The following SMG6 variants were observed in gnomAD, a reference collection of about 807,000 sequenced individuals.
SMG6 encodes SMG6 nonsense mediated mRNA decay factor.
In SMG6, 66 loss-of-function variants were observed where a neutral mutation model predicts 142.2. That is an observed-to-expected ratio of 0.46 (90% CI 0.38 to 0.57). The LOEUF is 0.57. Ranked by LOEUF, SMG6 falls within the 20% of genes least tolerant of loss-of-function variation. The pLI is 0.00. For synonymous variants in SMG6, 779 were observed against 702.4 expected (o/e 1.11, Z -1.72); for missense variants, 1,793 against 1,832.0 (o/e 0.98, Z 0.39).
At chr17:2,202,795 C>T (rs879427695) in intron 10 of SMG6, among the ~76,000 whole-genome samples, 4 of 152,188 alleles carry the variant, frequency 2.6e-5, no homozygotes, top group Non-Finnish European at 5.9e-5. Context: ...ACCTCAGAGA[C>T]GGTAAGTAAA....
chr17:2,212,454 G>C (rs1228326467), intron 10 of SMG6, among the ~76,000 whole-genome samples: 1 of 152,144 alleles, frequency 6.6e-6, no homozygotes, highest in Non-Finnish European at 1.5e-5. Context: ...GATCAGGACT[G>C]CAGTGCTGCT....
intron 13 of SMG6, among the ~76,000 whole-genome samples, chr17:2,093,749 G>A (rs1306070561): frequency 2.0e-5 from 3 of 152,122 alleles, no homozygotes; most frequent in African/African-American, 7.2e-5. Flanking sequence ...CTTGCAGCAG[G>A]CTCAGTCTCT....
intron 13 of SMG6, among the ~76,000 whole-genome samples, chr17:2,123,583 GGA>G (rs1356329063): frequency 6.6e-6 from 1 of 152,190 alleles, no homozygotes; most frequent in East Asian, 1.9e-4. Flanking sequence ...CTTCTTGGAA[GGA>G]GAGAGGACAG....
chr17:2,108,069 T>G (rs1028323006), intron 13 of SMG6, among the ~76,000 whole-genome samples: 37 of 152,302 alleles, frequency 2.4e-4, no homozygotes, highest in African/African-American at 7.2e-4. Flanking sequence ...AACAGGTTTT[T>G]TTTTGTTTTG....
chr17:2,276,062 T>C (rs1210174872), intron 8 of SMG6, among the ~76,000 whole-genome samples: 2 of 152,246 alleles, frequency 1.3e-5, no homozygotes, highest in African/African-American at 4.8e-5. Context: ...AGAAATTCTC[T>C]AGGAGTTGTC....
intron 13 of SMG6, among the ~76,000 whole-genome samples, chr17:2,117,007 T>A (rs2069528133): frequency 6.6e-6 from 1 of 150,948 alleles, no homozygotes; most frequent in Admixed American, 6.6e-5. Flanking sequence ...CAAATTAAAA[T>A]CACAATGAGA....
chr17:2,300,478 T>C lies in SMG6; in HGVS notation c.275A>G (p.Gln92Arg), dbSNP rs139316597. 6.2e-7 allele frequency: 1 copy of C among 1,614,200 alleles called. No homozygotes were observed. Among genetic ancestry groups the C allele is most frequent in the Admixed American group, 1.7e-5 (1 of 60,022 alleles). Reference protein sequence around the residue: ...RDCSAVENGTQPVKDVCKELN... With the variant: ...RDCSAVENGTRPVKDVCKELN... ...TTCCTTGCAGACATCTTTAACGGGC[T>C]GTGTACCATTTTCAACAGCAGAGCA... Residue 92 changes from glutamine (Q) to arginine (R), a missense_variant, in exon 2 of 19, where the codon CAG becomes CGG. This residue lies in a region of SMG6 where 1,597 missense variants were observed against 1,584.6 expected (regional missense o/e 1.01). Coordinates refer to ENST00000263073, the MANE Select transcript of SMG6 (RefSeq NM_017575.5).
intron 13 of SMG6, among the ~76,000 whole-genome samples, chr17:2,140,269 C>T (rs2070435678): frequency 6.6e-6 from 1 of 152,002 alleles, no homozygotes; most frequent in Admixed American, 6.6e-5. Flanking sequence ...TGCCATGCTG[C>T]CTAAGCTGGT....
intron 1 of SMG6, among the ~76,000 whole-genome samples, chr17:2,302,429 T>TA (rs1253292890): frequency 6.6e-6 from 1 of 151,912 alleles, no homozygotes; most frequent in African/African-American, 2.4e-5. Flanking sequence ...CAGTCCAAGC[T>TA]ACTGGGGAGG....
At chr17:2,095,662 G>A (rs1386946747) in intron 13 of SMG6, among the ~76,000 whole-genome samples, 1 of 152,046 alleles carries the variant, frequency 6.6e-6, no homozygotes, top group Admixed American at 6.5e-5. Context: ...CATGACCTGC[G>A]GTACTCAGGA....
At chr17:2,204,999 G>A (rs1416729468) in intron 10 of SMG6, among the ~76,000 whole-genome samples, 3 of 152,098 alleles carry the variant, frequency 2.0e-5, no homozygotes, top group Non-Finnish European at 4.4e-5. Context: ...GTACTCAGTT[G>A]CTGGACTGGT....
chr17:2,100,265 T>C (rs1364816438), intron 13 of SMG6, among the ~76,000 whole-genome samples: 1 of 152,190 alleles, frequency 6.6e-6, no homozygotes, highest in Non-Finnish European at 1.5e-5. Flanking sequence ...CTCAAACTCC[T>C]GGCCTCAAAT....
chr17:2,110,492 G>A (rs1343119778), intron 13 of SMG6, among the ~76,000 whole-genome samples: 5 of 152,076 alleles, frequency 3.3e-5, no homozygotes, highest in Non-Finnish European at 5.9e-5. Context: ...CACACACACG[G>A]TATTTTAAAG....
chr17:2,070,207 G>T (rs535780251), intron 15 of SMG6, among the ~76,000 whole-genome samples: 2 of 152,328 alleles, frequency 1.3e-5, no homozygotes, highest in African/African-American at 4.8e-5. Context: ...TACACGTGTG[G>T]CAGCGGCCCT....
rs2075248397 is a variant in SMG6, at chr17:2,300,234, T to C, written c.519A>G (p.Glu173=). ...ACTCATCTTCCTCTACTCTCAGTTGTTCTACCTGGTTGAGGACTTCTTCCT... is the reference window on the plus strand; with the variant it reads ...ACTCATCTTCCTCTACTCTCAGTTGCTCTACCTGGTTGAGGACTTCTTCCT... ...VEEEEVLNQV[E]QLRVEEDECR... is the part of the protein sequence containing the mutation. Residue 173 remains glutamate (E), a synonymous_variant, in exon 2 of 19, where the codon GAA becomes GAG. Transcript: ENST00000263073. 1.2e-6 allele frequency: 2 copies of C among 1,614,102 alleles called. No homozygotes were observed. The highest frequency in any genetic ancestry group is 1.7e-5 in the Admixed American group (1 of 60,008).
Position 2,071,223 on chromosome 17 carries a change from C to T in SMG6, c.3682-2292G>A, listed in dbSNP as rs572616626. 5.3e-5 allele frequency among the ~76,000 whole-genome samples: 8 copies of T among 152,202 alleles called. No individual in the cohort carries two copies. Among genetic ancestry groups the T allele is most frequent in the Non-Finnish European group, 8.8e-5 (6 of 68,032 alleles). On this transcript the variant is annotated intron_variant, in intron 15 of 18. Coordinates refer to ENST00000263073, the MANE Select transcript of SMG6 (RefSeq NM_017575.5). The surrounding 1 kb of genome is among the most constrained non-coding windows in gnomAD (Gnocchi z 5.6). ...CAGTTCTCCTGCCTTGAGAAACAACCGTCCAGCCTGGTCTGACTCTATCAA... is the reference window on the plus strand; with the variant it reads ...CAGTTCTCCTGCCTTGAGAAACAACTGTCCAGCCTGGTCTGACTCTATCAA...
At chr17:2,192,990 G>A (rs1400651719) in intron 10 of SMG6, among the ~76,000 whole-genome samples, 1 of 152,162 alleles carries the variant, frequency 6.6e-6, no homozygotes, top group Non-Finnish European at 1.5e-5. Flanking sequence ...ATGCACAATG[G>A]CAAAACAGAG....
chr17:2,282,390 CAAAAAAAA>C (rs576759563), intron 8 of SMG6, among the ~76,000 whole-genome samples: 6 of 84,526 alleles, frequency 7.1e-5, no homozygotes, highest in Admixed American at 1.3e-4. Context: ...CAAAAAGCAG[CAAAAAAAA>C]AAAAAAAAAA....
Position 2,172,990 on chromosome 17 carries a change from C to T in SMG6, c.3156-131G>A, listed in dbSNP as rs553010351. On this transcript the variant is annotated intron_variant, in intron 12 of 18. Coordinates refer to ENST00000263073, the MANE Select transcript of SMG6 (RefSeq NM_017575.5). ...GGCTGGCATCTGCCAGGAAATCATACCCCAAAAATGCTAGGAAACAAAACT... is the reference window on the plus strand; with the variant it reads ...GGCTGGCATCTGCCAGGAAATCATATCCCAAAAATGCTAGGAAACAAAACT... The T allele has an allele frequency of 4.7e-5, 40 of 850,310 alleles. No individual in the cohort carries two copies. The South Asian group carries it at 5.8e-4, about 12-fold the overall frequency. 52.7% of individuals were successfully genotyped at this position (850,310 alleles called of 1,614,324 possible).
Sources: allele counts gnomAD v4.1 joint callset (sites outside exome capture counted in the v4.1 genomes callset), GRCh38; gene constraint gnomAD v4.1.1; regional missense constraint gnomAD v4.1.1; non-coding constraint Gnocchi (gnomAD v3.1); transcripts MANE v1.5; gene names NCBI Gene and HGNC (gene_info 2026-07-23, HGNC 2026-07-21).